REPS2: variants seen among roughly 807,000 people sequenced by gnomAD.
The protein encoded by REPS2 is RALBP1 associated Eps domain containing 2.
Under a neutral mutation model 53.6 loss-of-function variants are expected in REPS2, and 23 were observed. The observed-to-expected ratio is 0.43, with a 90% CI of 0.31 to 0.61. The LOEUF (loss-of-function observed/expected upper bound fraction) is 0.61, where lower values mean the gene tolerates loss of function less well. REPS2 is among the 20% of genes least tolerant of loss of function. The pLI is 0.11. For synonymous variants in REPS2, 238 were observed against 218.6 expected, an observed-to-expected ratio of 1.09 and a Z score of -0.78; for missense variants, 446 against 534.9, an observed-to-expected ratio of 0.83 and a Z score of 1.64.
chrX:16,982,512 G>A (rs763785201), intron 1 of REPS2, among the ~76,000 whole-genome samples: 2 of 112,017 alleles, frequency 1.8e-5, no homozygotes, highest in South Asian at 7.4e-4. Context: ...GGTAGACATC[G>A]TTTGAATCTT....
intron 14 of REPS2, among the ~76,000 whole-genome samples, chrX:17,122,830 CAAA>C (rs1343576975): frequency 8.9e-6 from 1 of 111,770 alleles, no homozygotes; most frequent in Admixed American, 9.5e-5. Flanking sequence ...TATGTCAACC[CAAA>C]AGGGGACATT....
At chrX:16,972,538 A>G (rs1360072744) in intron 1 of REPS2, among the ~76,000 whole-genome samples, 4 of 111,262 alleles carry the variant, frequency 3.6e-5, no homozygotes, top group Non-Finnish European at 5.7e-5. Context: ...TTCCAGCTCT[A>G]TCTACACCTC....
At chrX:16,993,048 C>T (rs966627771) in intron 1 of REPS2, among the ~76,000 whole-genome samples, 26 of 112,099 alleles carry the variant, frequency 2.3e-4, no homozygotes, top group South Asian at 1.9e-3. Context: ...CTCTTTAGTA[C>T]GTCCTGCAGG....
Position 17,063,342 on chromosome X carries a change from A to G in REPS2, c.1209+810A>G, listed in dbSNP as rs769045922. On this transcript the variant is annotated intron_variant, in intron 9 of 17. Transcript: ENST00000357277. ...TGACCCTAGTTGAAACCACTGCAAG[A>G]TGATAGAAGTCAAAGTCAGGGAACA... Among the ~76,000 whole-genome samples the G allele has an allele frequency of 4.5e-5, 5 of 112,015 alleles. No homozygotes were observed. In the South Asian group the frequency reaches 1.9e-3, roughly 42 times the overall value.
chrX:17,182,184 A>C, the REPS2 span, among the ~76,000 whole-genome samples: 1 of 108,289 alleles, frequency 9.2e-6, no homozygotes, highest in African/African-American at 3.4e-5. Context: ...CTATCTATCT[A>C]TCTATCATCT....
At chrX:17,001,401 G>A (rs2147786920) in intron 1 of REPS2, among the ~76,000 whole-genome samples, 1 of 112,359 alleles carries the variant, frequency 8.9e-6, no homozygotes, top group East Asian at 2.8e-4. Flanking sequence ...CCTGTGTGGT[G>A]TTCTTGCCAG....
At chrX:17,173,975 AAAGTGCTTG>A in the REPS2 span, among the ~76,000 whole-genome samples, 12 of 111,057 alleles carry the variant, frequency 1.1e-4, no homozygotes, top group African/African-American at 3.6e-4. Flanking sequence ...TAACATTTGT[AAAGTGCTTG>A]AATAATCCTG....
intron 7 of REPS2, among the ~76,000 whole-genome samples, chrX:17,053,578 G>T (rs765908254): frequency 4.5e-5 from 5 of 111,682 alleles, no homozygotes; most frequent in Admixed American, 9.5e-5. Context: ...CTTGCCTCAG[G>T]CAATCCTCCT....
At chrX:16,978,234 A>G (rs922918325) in intron 1 of REPS2, among the ~76,000 whole-genome samples, 1 of 112,118 alleles carries the variant, frequency 8.9e-6, no homozygotes. Context: ...CTTTGTGTGG[A>G]TGATGGGTTG....
intron 5 of REPS2, among the ~76,000 whole-genome samples, chrX:17,036,070 A>G (rs1272855966): frequency 1.8e-5 from 2 of 112,253 alleles, no homozygotes; most frequent in Non-Finnish European, 3.8e-5. Context: ...TGTACTTGCA[A>G]TCACTGCGTT....
At chrX:17,050,789 CATA>C (rs970161917) in intron 6 of REPS2, among the ~76,000 whole-genome samples, 3 of 111,288 alleles carry the variant, frequency 2.7e-5, no homozygotes, top group Non-Finnish European at 5.7e-5. Context: ...ACATGCAATA[CATA>C]ATAATCACAT....
intron 1 of REPS2, among the ~76,000 whole-genome samples, chrX:16,948,915 A>G (rs2060473595): frequency 8.9e-6 from 1 of 112,274 alleles, no homozygotes; most frequent in Non-Finnish European, 1.9e-5. Context: ...CTAGCAAAGC[A>G]AAACACATCA....
chrX:17,115,487 T>G (rs2148094048), intron 14 of REPS2, among the ~76,000 whole-genome samples: 1 of 111,596 alleles, frequency 9.0e-6, no homozygotes, highest in East Asian at 2.8e-4. Context: ...AGGAGACAGA[T>G]GCCTTCCTCT....
chrX:17,048,746 GTGCTCACATAA>G (rs1290613069), intron 6 of REPS2, among the ~76,000 whole-genome samples: 3 of 112,572 alleles, frequency 2.7e-5, no homozygotes, highest in African/African-American at 9.7e-5. Flanking sequence ...GCACAAGGCA[GTGCTCACATAA>G]ATGTGATGAT....
chrX:17,049,403 T>C (rs746718534), intron 6 of REPS2, among the ~76,000 whole-genome samples: 2 of 111,853 alleles, frequency 1.8e-5, no homozygotes, highest in Non-Finnish European at 3.8e-5. Flanking sequence ...TTATTGATGG[T>C]CCTGACCTTG....
At chrX:17,127,683 C>T (rs1022243864) in intron 14 of REPS2, among the ~76,000 whole-genome samples, 2 of 111,548 alleles carry the variant, frequency 1.8e-5, no homozygotes, top group Admixed American at 1.9e-4. Context: ...ACCCTTCCTC[C>T]ACCCTGCAAG....
At chrX:16,968,541 G>C (rs868133712) in intron 1 of REPS2, among the ~76,000 whole-genome samples, 36 of 74,522 alleles carry the variant, frequency 4.8e-4, no homozygotes, top group African/African-American at 1.7e-3. Context: ...ACCTCCCTCC[G>C]GGACGGGGTG....
chrX:17,083,554 A>G (rs1411467394), intron 13 of REPS2, among the ~76,000 whole-genome samples: 3 of 111,772 alleles, frequency 2.7e-5, no homozygotes, highest in Admixed American at 9.5e-5. Flanking sequence ...GTGTTTATTG[A>G]GTGGCGAATT....
At chrX:17,091,625 A>G (rs1302392352) in intron 13 of REPS2, among the ~76,000 whole-genome samples, 1 of 112,017 alleles carries the variant, frequency 8.9e-6, no homozygotes, top group African/African-American at 3.2e-5. Context: ...TGTTCCATAG[A>G]GAATTAAATG....
Sources: allele counts gnomAD v4.1 joint callset (sites outside exome capture counted in the v4.1 genomes callset), GRCh38; gene constraint gnomAD v4.1.1; transcripts MANE v1.5; gene names NCBI Gene and HGNC (gene_info 2026-07-23, HGNC 2026-07-21).